BTRC: variants seen among roughly 807,000 people sequenced by gnomAD.
BTRC encodes the protein beta-transducin repeat containing E3 ubiquitin protein ligase, also known as F-box/WD repeat-containing protein 1A.
Under a neutral mutation model 85.5 loss-of-function variants are expected in BTRC, and 42 were observed. The observed-to-expected ratio is 0.49, with a 90% CI of 0.38 to 0.64. The LOEUF (loss-of-function observed/expected upper bound fraction) is 0.64, where lower values mean the gene tolerates loss of function less well. Ranked by LOEUF, BTRC falls within the 30% of genes least tolerant of loss-of-function variation. BTRC has a pLI of 0.00. For synonymous variants in BTRC, 255 were observed against 263.3 expected (o/e 0.97, Z 0.30); for missense variants, 594 against 743.5 (o/e 0.80, Z 2.34).
In BTRC at chr10:101,381,962, CTTTTTTTTTTTTTTTTT is replaced by C. The variant is rs71016314; in HGVS notation, c.48+27756_48+27772del. 3.3e-4 allele frequency among the ~76,000 whole-genome samples: 16 copies of C among 49,156 alleles called. No homozygotes were observed. In the South Asian group the frequency reaches 3.3e-3, roughly 10 times the overall value. 32.2% of individuals were successfully genotyped at this position (49,156 alleles called of 152,430 possible). A position where few individuals can be genotyped will look rare whatever the true frequency, so the allele number is the denominator to read the frequency against. On this transcript the variant is annotated intron_variant, in intron 1 of 14. Coordinates refer to ENST00000370187, the MANE Select transcript of BTRC (RefSeq NM_033637.4). Reference sequence around the variant, plus strand: ...GAACCCCTAGTTATCCTAAGAATGTCTTTTTTTTTTTTTTTTTTTTTTTTTTTTTTTTTTTTTTGAGA... The same window carrying C: ...GAACCCCTAGTTATCCTAAGAATGTCTTTTTTTTTTTTTTTTTTTTTGAGA...
chr10:101,371,189 T>G (rs1443748916), intron 1 of BTRC, among the ~76,000 whole-genome samples: 1 of 151,986 alleles, frequency 6.6e-6, no homozygotes, highest in African/African-American at 2.4e-5. Flanking sequence ...GTTTGGTGTT[T>G]TTTTTTTCCC....
intron 4 of BTRC, among the ~76,000 whole-genome samples, chr10:101,496,521 T>TC (rs1489189199): frequency 6.6e-6 from 1 of 152,206 alleles, no homozygotes; most frequent in Non-Finnish European, 1.5e-5. Context: ...CCTCAGGCAG[T>TC]CCTCTTGCCT....
In BTRC at chr10:101,379,957, GAA is replaced by G. The variant is rs1253663593; in HGVS notation, c.48+25733_48+25734del. 3.9e-5 allele frequency among the ~76,000 whole-genome samples: 6 copies of G among 152,210 alleles called. No individual in the cohort carries two copies. In the East Asian group the frequency reaches 1.2e-3, roughly 29 times the overall value. ...GATCCTTGTTTTCAAAGGTATTTAA[GAA>G]AAATATCAAAGCTTTGCAAAGTGAC... On this transcript the variant is annotated intron_variant, in intron 1 of 14. Coordinates refer to ENST00000370187, the MANE Select transcript of BTRC (RefSeq NM_033637.4).
chr10:101,451,535 T>G (rs1414573479), intron 2 of BTRC, among the ~76,000 whole-genome samples: 2 of 152,212 alleles, frequency 1.3e-5, no homozygotes, highest in African/African-American at 4.8e-5. Context: ...GAAAGCACTT[T>G]CTGTGTTAGC....
At chr10:101,393,962 G>A (rs1190466430) in intron 1 of BTRC, among the ~76,000 whole-genome samples, 4 of 152,202 alleles carry the variant, frequency 2.6e-5, no homozygotes, top group African/African-American at 7.2e-5. Flanking sequence ...TGCAGACTTC[G>A]TAGACTGTAG....
chr10:101,463,328 G>A (rs1361437068), intron 3 of BTRC, among the ~76,000 whole-genome samples: 2 of 152,056 alleles, frequency 1.3e-5, no homozygotes, highest in African/African-American at 2.4e-5. Context: ...ACAGGCATGA[G>A]CCACTGTTCC....
chr10:101,396,879 C>T (rs111522268), intron 1 of BTRC, among the ~76,000 whole-genome samples: 6 of 151,594 alleles, frequency 4.0e-5, no homozygotes, highest in Non-Finnish European at 5.9e-5. Flanking sequence ...CTTGGCTCAC[C>T]GGAACCTCCG....
intron 4 of BTRC, among the ~76,000 whole-genome samples, chr10:101,517,363 T>G (rs2062037048): frequency 6.6e-6 from 1 of 152,206 alleles, no homozygotes; most frequent in Non-Finnish European, 1.5e-5. Flanking sequence ...AGTTCAGGGC[T>G]GCAGTGAGCT....
chr10:101,547,743 T>A (rs1049510897), intron 13 of BTRC, among the ~76,000 whole-genome samples: 4 of 152,258 alleles, frequency 2.6e-5, no homozygotes, highest in Non-Finnish European at 4.4e-5. Flanking sequence ...TGAAATTTTT[T>A]AAAAAATCTC....
chr10:101,415,298 C>T (rs549724657), intron 1 of BTRC, among the ~76,000 whole-genome samples: 3 of 151,644 alleles, frequency 2.0e-5, no homozygotes, highest in African/African-American at 7.3e-5. Flanking sequence ...GCTGCAGTCT[C>T]CCGAGTAGCT....
chr10:101,541,853 T>C (rs534884871), intron 13 of BTRC, among the ~76,000 whole-genome samples: 51 of 152,204 alleles, frequency 3.4e-4, no homozygotes, highest in Admixed American at 3.2e-3. Context: ...AGGATTTTTG[T>C]GTGTGTGTGT....
intron 4 of BTRC, among the ~76,000 whole-genome samples, chr10:101,505,118 T>TATATATATACACAC (rs1378520411): frequency 2.4e-4 from 14 of 57,876 alleles, no homozygotes; most frequent in African/African-American, 3.6e-4. Flanking sequence ...TATATTTATA[T>TATATATATACACAC]ATATATATGT....
chr10:101,548,048 C>T (rs923481024), intron 13 of BTRC, among the ~76,000 whole-genome samples: 8 of 152,178 alleles, frequency 5.3e-5, no homozygotes, highest in African/African-American at 1.9e-4. Flanking sequence ...TAGTAAAATA[C>T]TACTACAAAC....
At chr10:101,541,792 G>A (rs2062472869) in intron 13 of BTRC, among the ~76,000 whole-genome samples, 1 of 151,986 alleles carries the variant, frequency 6.6e-6, no homozygotes, top group Admixed American at 6.6e-5. Context: ...TTGTTCATGA[G>A]GTATAATTCT....
chr10:101,440,340 G>C (rs1944648039), intron 2 of BTRC, among the ~76,000 whole-genome samples: 1 of 147,076 alleles, frequency 6.8e-6, no homozygotes, highest in Non-Finnish European at 1.5e-5. Context: ...CATCCCTTTT[G>C]GGGCATTGAA....
At chr10:101,399,020 T>A (rs543645066) in intron 1 of BTRC, among the ~76,000 whole-genome samples, 1 of 152,332 alleles carries the variant, frequency 6.6e-6, no homozygotes, top group East Asian at 1.9e-4. Context: ...TGGTGCCATC[T>A]TGGCTCACTG....
chr10:101,549,713 C>CAAAAAAAAAAAA (rs755481178), intron 13 of BTRC, among the ~76,000 whole-genome samples: 4,490 of 42,686 alleles, frequency 0.11, 981 homozygotes, highest in South Asian at 0.14. Context: ...GACTCTGTCT[C>CAAAAAAAAAAAA]AAAAAAAAAA....
intron 7 of BTRC, 77 bp downstream of exon 7, chr10:101,531,410 G>A (rs1458001716): frequency 2.6e-6 from 3 of 1,144,814 alleles, no homozygotes; most frequent in African/African-American, 3.1e-5. Context: ...TATGGTTACA[G>A]CAAGCCCATT....
In BTRC at chr10:101,556,343, G is replaced by A. The variant is rs1210741254; in HGVS notation, c.*3220G>A. On this transcript the variant is annotated 3_prime_UTR_variant, in exon 15 of 15. Transcript: ENST00000370187. The stretch of plus-strand genomic sequence containing the variant: ...CTTACTTAGCACTTGATTGTGTGGG[G>A]AAACAAAGGTGGGAGGGGTGGGGAA... 1 of 152,158 alleles carries A rather than the reference G, an allele frequency of 6.6e-6. No individual in the cohort carries two copies. Among genetic ancestry groups the A allele is most frequent in the Non-Finnish European group, 1.5e-5 (1 of 68,048 alleles). 9.4% of individuals were successfully genotyped at this position (152,158 alleles called of 1,614,324 possible). A position where few individuals can be genotyped will look rare whatever the true frequency, so the allele number is the denominator to read the frequency against.
Sources: gnomAD v4.1 joint callset for allele counts (sites outside exome capture counted in the v4.1 genomes callset) on GRCh38, gnomAD v4.1.1 for gene constraint, MANE v1.5 for transcripts, NCBI Gene and HGNC (gene_info 2026-07-23, HGNC 2026-07-21) for gene names.